Variants in SLC39A1 observed in about 807,000 individuals in gnomAD.
The protein encoded by SLC39A1 is solute carrier family 39 member 1, also known as zinc transporter ZIP1.
A neutral mutation model predicts 21.4 loss-of-function variants in SLC39A1; 17 were observed. That is an observed-to-expected ratio of 0.79 (90% CI 0.54 to 1.19). The LOEUF (loss-of-function observed/expected upper bound fraction) is 1.19. Among genes scored for constraint, SLC39A1 ranks in the 50% most tolerant of loss-of-function variants. The probability of loss-of-function intolerance (pLI) is 0.00; values close to 1 mark genes in which losing one functional copy is unlikely to be tolerated. For synonymous variants in SLC39A1, 183 were observed against 185.9 expected (o/e 0.98, Z 0.13); for missense variants, 343 against 399.8 (o/e 0.86, Z 1.21).
rs1362184238 is a variant in SLC39A1, at chr1:153,962,631, C to T, written c.85G>A (p.Val29Met). 6.8e-6 allele frequency: 11 copies of T among 1,613,234 alleles called. 1 individual carries two copies. The highest frequency in any genetic ancestry group is 1.7e-4 in the Middle Eastern group (1 of 6,036). ...AGCAGCACCAGGGCCCCCAACTTCACCTCCAGCCCCACAGGCACTGGAGGC... is the reference window on the plus strand; with the variant it reads ...AGCAGCACCAGGGCCCCCAACTTCATCTCCAGCCCCACAGGCACTGGAGGC... ...SEPPVPVGLE[V>M]KLGALVLLLV... Residue 29 changes from valine to methionine, a missense_variant, in exon 2 of 4, where the codon GTG (valine) becomes ATG (methionine). Transcript: ENST00000356205.
In SLC39A1 at chr1:153,959,812, A is replaced by G; in HGVS notation, c.*286T>C. The G allele has an allele frequency of 2.4e-6, 1 of 418,682 alleles. No homozygotes were observed. Among genetic ancestry groups the G allele is most frequent in the Non-Finnish European group, 4.3e-6 (1 of 230,188 alleles). 25.9% of individuals were successfully genotyped at this position (418,682 alleles called of 1,614,324 possible). On this transcript the variant is annotated 3_prime_UTR_variant, in exon 4 of 4. Coordinates refer to ENST00000356205, the MANE Select transcript of SLC39A1 (RefSeq NM_001271958.2). ...AGCCTGTCCTTATGTATAGTGTCCA[A>G]CCTCTGATTCTAGCAGTCAAGTGTC...
At chr1:153,962,793 G>T (rs565721302) in intron 1 of SLC39A1, 46 bp from the exon 2 acceptor site, 1 of 1,395,472 alleles carries the variant, frequency 7.2e-7, no homozygotes, top group Non-Finnish European at 9.4e-7. Context: ...TGCAAAGGAA[G>T]ATGGGGCAAG....
intron 1 of SLC39A1, 21 bp from the exon 2 acceptor site, chr1:153,962,768 G>A: frequency 6.9e-7 from 1 of 1,453,040 alleles, no homozygotes; most frequent in Non-Finnish European, 9.1e-7. Context: ...AGACCAGAGT[G>A]GTTGGGAAAA....
At chr1:153,967,594 T>A (rs1647882492), upstream of SLC39A1, 1 of 151,870 alleles carries the variant, frequency 6.6e-6, no homozygotes, top group Non-Finnish European at 1.5e-5. Context: ...GGGGGCTGCA[T>A]GGAACCGTGA....
chr1:153,965,592 C>T (rs1339856060), upstream of SLC39A1, among the ~76,000 whole-genome samples: 2 of 151,054 alleles, frequency 1.3e-5, no homozygotes, highest in Non-Finnish European at 3.0e-5. Context: ...TTCTTCTTTC[C>T]TCCTTTCTTT....
At chr1:153,961,516 C>G (rs1647435000) in intron 3 of SLC39A1, among the ~76,000 whole-genome samples, 1 of 152,172 alleles carries the variant, frequency 6.6e-6, no homozygotes, top group South Asian at 2.1e-4. Context: ...TTGAGAGTCA[C>G]TGATGTAGAC....
upstream of SLC39A1, chr1:153,966,737 A>C (rs1017439101): frequency 6.6e-6 from 1 of 152,210 alleles, no homozygotes; most frequent in South Asian, 2.1e-4. Flanking sequence ...TCAAATCTTC[A>C]TAAGGATAAT....
rs1280860998 is a variant in SLC39A1, at chr1:153,960,532, A to G, written c.541T>C (p.Cys181Arg). The change falls in exon 4 of 4, where the codon TGT becomes CGT. Residue 181 changes from cysteine to arginine, a missense_variant. Physicochemically the swap from Cys to Arg is radical, Grantham distance 180. Transcript: ENST00000356205. ...AGGGCCAGGGAGAACACCAGTACAC[A>G]GGCACGCAAGGCTGAGGGGGTTGCT... Reference protein sequence around the residue: ...APATPSALRACVLVFSLALHS... With the variant: ...APATPSALRARVLVFSLALHS... 1.9e-6 allele frequency: 3 copies of G among 1,613,768 alleles called. No individual in the cohort carries two copies. The highest frequency in any genetic ancestry group is 2.5e-6 in the Non-Finnish European group (3 of 1,180,024).
chr1:153,960,955 G>A (rs969830954), intron 3 of SLC39A1, among the ~76,000 whole-genome samples: 2 of 152,200 alleles, frequency 1.3e-5, no homozygotes, highest in Non-Finnish European at 2.9e-5. Flanking sequence ...GTTACGTGTA[G>A]ACCAAAGTTT....
chr1:153,962,841 G>A (rs1156451111), intron 1 of SLC39A1, 94 bp from the exon 2 acceptor site: 2 of 1,006,894 alleles, frequency 2.0e-6, no homozygotes, highest in Non-Finnish European at 2.8e-6. Flanking sequence ...CAGCTCCCTG[G>A]CCCCAGCCAC....
At chr1:153,961,842 C>T (rs1020772972) in intron 3 of SLC39A1, among the ~76,000 whole-genome samples, 1 of 152,152 alleles carries the variant, frequency 6.6e-6, no homozygotes, top group African/African-American at 2.4e-5. Context: ...ACACCAAGAC[C>T]CAGGGAATCG....
chr1:153,961,374 C>A (rs1016982176), intron 3 of SLC39A1, among the ~76,000 whole-genome samples: 11 of 152,238 alleles, frequency 7.2e-5, no homozygotes, highest in African/African-American at 2.7e-4. Flanking sequence ...TGTTTAACAG[C>A]ATTTCTGATC....
Position 153,959,765 on chromosome 1 carries a change from C to T in SLC39A1, c.*333G>A. 3.1e-6 allele frequency: 1 copy of T among 325,448 alleles called. No homozygotes were observed. The highest frequency in any genetic ancestry group is 5.7e-6 in the Non-Finnish European group (1 of 175,498). The allele number at this position is 325,448 out of a possible 1,614,324, so 20.2% of individuals were successfully genotyped here. On this transcript the variant is annotated 3_prime_UTR_variant, in exon 4 of 4. Transcript: ENST00000356205. Reference sequence around the variant, plus strand: ...ATACCCGTTCCACAGCAGCTGGGTACCCACCTCCAGCCTCCCATGTGAGCC... The same window carrying T: ...ATACCCGTTCCACAGCAGCTGGGTATCCACCTCCAGCCTCCCATGTGAGCC...
chr1:153,960,668 C>T lies in SLC39A1; in HGVS notation c.405G>A (p.Glu135=). Residue 135 remains glutamate, a synonymous_variant, in exon 4 of 4, where the codon GAG becomes GAA. Transcript: ENST00000356205. The part of the protein sequence containing the change: ...VMEQITLAYK[E]QSGPSPLEET... ...CCTCCAGAGGTGACGGCCCTGACTGCTCCTTGTAAGCCAGTGTGATCTGCT... is the reference window on the plus strand; with the variant it reads ...CCTCCAGAGGTGACGGCCCTGACTGTTCCTTGTAAGCCAGTGTGATCTGCT... 1.2e-6 allele frequency: 2 copies of T among 1,614,176 alleles called. No homozygotes were observed. The highest frequency in any genetic ancestry group is 1.7e-6 in the Non-Finnish European group (2 of 1,180,050).
chr1:153,964,528 C>A (rs1647677876), upstream of SLC39A1: 1 of 151,644 alleles, frequency 6.6e-6, no homozygotes, highest in Non-Finnish European at 1.5e-5. Context: ...CAGATGGGAT[C>A]TTGCTTCCTA....
chr1:153,962,795 T>C, intron 1 of SLC39A1, 48 bp from the exon 2 acceptor site: 1 of 1,392,332 alleles, frequency 7.2e-7, no homozygotes, highest in African/African-American at 1.4e-5. Flanking sequence ...CAAAGGAAGA[T>C]GGGGCAAGGA....
chr1:153,963,986 G>C (rs1647649961), upstream of SLC39A1, among the ~76,000 whole-genome samples: 1 of 152,214 alleles, frequency 6.6e-6, no homozygotes, highest in Admixed American at 6.5e-5. Context: ...TTCCCCTCTT[G>C]GGACCAACTT....
chr1:153,959,870 T>C lies in SLC39A1; in HGVS notation c.*228A>G, dbSNP rs888541160. 6 of 547,108 alleles carry C rather than the reference T, an allele frequency of 1.1e-5. No individual in the cohort carries two copies. Among genetic ancestry groups the C allele is most frequent in the African/African-American group, 1.9e-5 (1 of 53,184 alleles). The allele number at this position is 547,108 out of a possible 1,614,324, so 33.9% of individuals were successfully genotyped here. A position where few individuals can be genotyped will look rare whatever the true frequency, so the allele number is the denominator to read the frequency against. On this transcript the variant is annotated 3_prime_UTR_variant, in exon 4 of 4. Transcript: ENST00000356205. ...ATCCTAATGTCCCCTGATATGTCTC[T>C]AGCGACTTGACCATCTCTTGTTCCT... is the stretch of plus-strand genomic sequence containing the variant.
At chr1:153,963,031 G>GA (rs1285499272) in intron 1 of SLC39A1, 3 of 266,802 alleles carry the variant, frequency 1.1e-5, no homozygotes, top group Non-Finnish European at 1.4e-5. Context: ...AGAAAACTAG[G>GA]AAACTAGGAG....
Sources: allele counts gnomAD v4.1 joint callset (sites outside exome capture counted in the v4.1 genomes callset), GRCh38; gene constraint gnomAD v4.1.1; transcripts MANE v1.5; gene names NCBI Gene and HGNC (gene_info 2026-07-23, HGNC 2026-07-21).